The following SLC35A1 variants were observed in gnomAD, a reference collection of about 807,000 sequenced individuals.
SLC35A1 encodes the protein solute carrier family 35 member A1, also known as CMP-sialic acid transporter.
SLC35A1 carries 21 observed loss-of-function variants against 40.3 expected under a neutral mutation model. That is an observed-to-expected ratio of 0.52 (90% confidence interval 0.37 to 0.75). The LOEUF (loss-of-function observed/expected upper bound fraction) is 0.75. SLC35A1 is among the 30% of genes least tolerant of loss of function. The pLI, the probability that SLC35A1 is intolerant of heterozygous loss-of-function variation, is 0.00. For synonymous variants in SLC35A1, 146 were observed against 147.3 expected (o/e 0.99, Z 0.06); for missense variants, 297 against 382.1 (o/e 0.78, Z 1.86).
intron 2 of SLC35A1, 93 bp from the exon 3 acceptor site, chr6:87,500,415 A>G: frequency 8.0e-7 from 1 of 1,252,010 alleles, no homozygotes; most frequent in Non-Finnish European, 1.2e-6. Context: ...CAAGCATAGT[A>G]TGCTTGTCCT....
intron 2 of SLC35A1, among the ~76,000 whole-genome samples, chr6:87,500,088 C>T (rs578103510): frequency 2.6e-5 from 4 of 152,188 alleles, no homozygotes; most frequent in African/African-American, 9.6e-5. Flanking sequence ...GGCGACACAA[C>T]AAGACTCCAT....
At chr6:87,487,735 C>T (rs1769427270) in intron 2 of SLC35A1, among the ~76,000 whole-genome samples, 1 of 152,152 alleles carries the variant, frequency 6.6e-6, no homozygotes, top group Non-Finnish European at 1.5e-5. Context: ...AAATGTGGTA[C>T]TGAATAGATT....
chr6:87,495,247 G>A (rs896378771), intron 2 of SLC35A1, among the ~76,000 whole-genome samples: 5 of 152,142 alleles, frequency 3.3e-5, no homozygotes, highest in African/African-American at 4.8e-5. Context: ...GGTGTGAGCC[G>A]CTGCGCCAGC....
intron 2 of SLC35A1, among the ~76,000 whole-genome samples, chr6:87,489,626 C>T (rs1241077099): frequency 6.7e-6 from 1 of 149,446 alleles, no homozygotes; most frequent in Non-Finnish European, 1.5e-5. Flanking sequence ...ACTGCAACCT[C>T]CGCCTCCAAG....
At position 87,477,582 on chromosome 6, in the gene SLC35A1, T is replaced by G. The variant is rs768523804; in HGVS notation, c.194+43T>G. 4.7e-6 allele frequency: 7 copies of G among 1,474,572 alleles called. No homozygotes were observed. The African/African-American group carries it at 9.7e-5, about 20-fold the overall frequency. 91.3% of individuals were successfully genotyped at this position (1,474,572 alleles called of 1,614,324 possible). A position where few individuals can be genotyped will look rare whatever the true frequency, so the allele number is the denominator to read the frequency against. ...TAGTGTGTTAAATTATTTTTCTACCTGGTGAGGGTATTTGTTAGAAAATTC... is the reference window on the plus strand; with the variant it reads ...TAGTGTGTTAAATTATTTTTCTACCGGGTGAGGGTATTTGTTAGAAAATTC... On this transcript the variant is annotated intron_variant, in intron 2 of 7. Coordinates refer to ENST00000369552, the MANE Select transcript of SLC35A1 (RefSeq NM_006416.5).
At chr6:87,503,076 T>C (rs1029383422) in intron 4 of SLC35A1, among the ~76,000 whole-genome samples, 1 of 152,228 alleles carries the variant, frequency 6.6e-6, no homozygotes, top group Non-Finnish European at 1.5e-5. Flanking sequence ...AAAAAAAATA[T>C]GCCTTCTGGG....
intron 2 of SLC35A1, among the ~76,000 whole-genome samples, chr6:87,497,778 GAGTGCAGTGGTGGCATCATAGCTCACTGT>G (rs1382479205): frequency 6.6e-6 from 1 of 152,060 alleles, no homozygotes; most frequent in Admixed American, 6.6e-5. Context: ...ACCCAGGCTG[GAGTGCAGTGGTGGCATCATAGCTCACTGT>G]AGCTTCAAAC....
At chr6:87,503,874 T>C (rs2127975736) in intron 4 of SLC35A1, among the ~76,000 whole-genome samples, 1 of 152,334 alleles carries the variant, frequency 6.6e-6, no homozygotes, top group African/African-American at 2.4e-5. Flanking sequence ...CTGATGACCA[T>C]TAAGCTTTTT....
chr6:87,497,726 AT>A (rs1264290432), intron 2 of SLC35A1, among the ~76,000 whole-genome samples: 1 of 151,586 alleles, frequency 6.6e-6, no homozygotes, highest in Non-Finnish European at 1.5e-5. Flanking sequence ...CTAATGTCTT[AT>A]TTTTTTCTTT....
chr6:87,487,410 T>C (rs1769419877), intron 2 of SLC35A1, among the ~76,000 whole-genome samples: 1 of 152,198 alleles, frequency 6.6e-6, no homozygotes, highest in East Asian at 1.9e-4. Flanking sequence ...GATAACCTGC[T>C]CCTAGGGGAT....
At chr6:87,501,582 G>A (rs1278470133) in intron 4 of SLC35A1, among the ~76,000 whole-genome samples, 1 of 152,144 alleles carries the variant, frequency 6.6e-6, no homozygotes, top group Non-Finnish European at 1.5e-5. Flanking sequence ...ATGGATGACA[G>A]TCCCCAAAGA....
intron 2 of SLC35A1, chr6:87,499,215 C>A: frequency 1.6e-6 from 1 of 614,994 alleles, no homozygotes; most frequent in Non-Finnish European, 2.0e-6. Context: ...AGAACTTGGG[C>A]AATTATATTT....
chr6:87,498,889 G>C (rs1308983888), intron 2 of SLC35A1, among the ~76,000 whole-genome samples: 1 of 152,204 alleles, frequency 6.6e-6, no homozygotes, highest in Non-Finnish European at 1.5e-5. Flanking sequence ...TCAGAAGCCT[G>C]GAAAACTCTC....
chr6:87,503,808 C>G (rs970006768), intron 4 of SLC35A1, among the ~76,000 whole-genome samples: 3 of 152,170 alleles, frequency 2.0e-5, no homozygotes, highest in Non-Finnish European at 4.4e-5. Flanking sequence ...ATTAGGAGTC[C>G]TTTCAGTAAG....
intron 4 of SLC35A1, among the ~76,000 whole-genome samples, chr6:87,504,142 T>C (rs1264810561): frequency 6.6e-6 from 1 of 151,996 alleles, no homozygotes; most frequent in Non-Finnish European, 1.5e-5. Flanking sequence ...AATTTAAAAC[T>C]TAGCTAGATG....
At position 87,511,992 on chromosome 6, in the gene SLC35A1, C is replaced by A. The variant is rs1424589629; in HGVS notation, c.*466C>A. On this transcript the variant is annotated 3_prime_UTR_variant, in exon 8 of 8. Coordinates refer to ENST00000369552, the MANE Select transcript of SLC35A1 (RefSeq NM_006416.5). ...TATTTTGTCCTAGCAGCATAAAGAC[C>A]TAGCTCTTTTCTTACAAGAGGCAGA... 2 of 178,090 alleles carry A rather than the reference C, an allele frequency of 1.1e-5. No individual in the cohort carries two copies. Among genetic ancestry groups the A allele is most frequent in the African/African-American group, 4.8e-5 (2 of 41,770 alleles). The allele number at this position is 178,090 out of a possible 1,614,324, so 11.0% of individuals were successfully genotyped here.
At chr6:87,477,655 C>A in intron 2 of SLC35A1, 116 bp downstream of exon 2, 1 of 905,716 alleles carries the variant, frequency 1.1e-6, no homozygotes, top group South Asian at 1.4e-5. Flanking sequence ...TGTTTCTCAA[C>A]TAGGGGTGAT....
chr6:87,500,803 A>G (rs965662714), intron 3 of SLC35A1, 136 bp downstream of exon 3: 20 of 857,518 alleles, frequency 2.3e-5, no homozygotes, highest in Middle Eastern at 3.5e-4. Flanking sequence ...GCTGGAGTGC[A>G]GTGACGTGAT....
chr6:87,500,471 C>T, intron 2 of SLC35A1, 37 bp from the exon 3 acceptor site: 1 of 1,607,370 alleles, frequency 6.2e-7, no homozygotes, highest in Non-Finnish European at 8.5e-7. Flanking sequence ...AATTTTCTTC[C>T]TTACCACCCT....
Sources: gnomAD v4.1 joint callset for allele counts (sites outside exome capture counted in the v4.1 genomes callset) on GRCh38, gnomAD v4.1.1 for gene constraint, MANE v1.5 for transcripts, NCBI Gene and HGNC (gene_info 2026-07-23, HGNC 2026-07-21) for gene names.